The following ARHGAP44 variants were observed in gnomAD, a reference collection of about 807,000 sequenced individuals.
ARHGAP44 encodes Rho GTPase activating protein 44.
ARHGAP44 carries 43 observed loss-of-function variants against 106.8 expected under a neutral mutation model. The observed-to-expected ratio is 0.40, with a 90% CI of 0.32 to 0.52. The LOEUF (loss-of-function observed/expected upper bound fraction) is 0.52. ARHGAP44 is among the 20% of genes least tolerant of loss of function. The pLI, the probability that ARHGAP44 is intolerant of heterozygous loss-of-function variation, is 0.48. For synonymous variants in ARHGAP44, 439 were observed against 410.3 expected (o/e 1.07, Z -0.85); for missense variants, 866 against 1,050.5 (o/e 0.82, Z 2.43).
At chr17:12,833,304 C>T (rs954256651) in intron 1 of ARHGAP44, among the ~76,000 whole-genome samples, 6 of 152,122 alleles carry the variant, frequency 3.9e-5, no homozygotes, top group East Asian at 1.9e-4. Context: ...CTTTTTCGTA[C>T]GTGTCTGTCT....
intron 1 of ARHGAP44, among the ~76,000 whole-genome samples, chr17:12,802,944 TATATATATATATATATATATATATA>T (rs1567621139): frequency 2.6e-3 from 42 of 16,398 alleles, no homozygotes; most frequent in African/African-American, 0.011. Context: ...TATATATATA[TATATATATATATATATATATATATA>T]TTTTTTTTTT....
intron 20 of ARHGAP44, among the ~76,000 whole-genome samples, chr17:12,989,094 C>CCCA (rs144341481): frequency 0.015 from 1,227 of 79,882 alleles, 66 homozygotes; most frequent in South Asian, 0.026. Context: ...CGAAACTCCA[C>CCCA]CCCCCCCAAA....
chr17:12,981,098 T>C (rs2039818557), intron 19 of ARHGAP44: 1 of 152,186 alleles, frequency 6.6e-6, no homozygotes, highest in Non-Finnish European at 1.5e-5. Flanking sequence ...ACTCATTCCT[T>C]TTGCATTCTA....
intron 5 of ARHGAP44, among the ~76,000 whole-genome samples, chr17:12,918,498 T>C (rs2037981864): frequency 6.6e-6 from 1 of 152,160 alleles, no homozygotes; most frequent in South Asian, 2.1e-4. Flanking sequence ...AGTGAAGCCA[T>C]TTTTAGAATG....
At chr17:12,938,480 C>T (rs2150977440) in intron 7 of ARHGAP44, among the ~76,000 whole-genome samples, 1 of 150,658 alleles carries the variant, frequency 6.6e-6, no homozygotes, top group East Asian at 2.0e-4. Context: ...TGAAGAAAAT[C>T]CAAATACAAT....
chr17:12,790,107 C>T (rs1033675338), intron 1 of ARHGAP44: 3 of 505,072 alleles, frequency 5.9e-6, no homozygotes, highest in Non-Finnish European at 1.0e-5. Flanking sequence ...GCTCCGGGCT[C>T]CGGTTGCCAA....
chr17:12,800,513 A>G (rs2034057904), intron 1 of ARHGAP44, among the ~76,000 whole-genome samples: 1 of 152,182 alleles, frequency 6.6e-6, no homozygotes, highest in African/African-American at 2.4e-5. Context: ...TGGCAGAGGC[A>G]GTAAATGAGG....
intron 20 of ARHGAP44, 129 bp downstream of exon 20, chr17:12,985,037 G>T: frequency 8.1e-7 from 1 of 1,230,354 alleles, no homozygotes. Flanking sequence ...GCTGGCACCA[G>T]GGGTAGCTCA....
chr17:12,806,793 A>G (rs2034287568), intron 1 of ARHGAP44, among the ~76,000 whole-genome samples: 1 of 152,254 alleles, frequency 6.6e-6, no homozygotes, highest in South Asian at 2.1e-4. Context: ...AAACTTAGAC[A>G]CATTTACATT....
chr17:12,840,707 G>T (rs1174760604), intron 1 of ARHGAP44, among the ~76,000 whole-genome samples: 1 of 152,216 alleles, frequency 6.6e-6, no homozygotes, highest in African/African-American at 2.4e-5. Flanking sequence ...GGGCCTGCAG[G>T]TTTCACCTGC....
chr17:12,894,263 CG>C (rs2037136876), intron 1 of ARHGAP44, among the ~76,000 whole-genome samples: 1 of 146,882 alleles, frequency 6.8e-6, no homozygotes, highest in African/African-American at 2.6e-5. Context: ...TGTGTGTGCA[CG>C]TGCGTGCGTG....
chr17:12,937,763 T>G (rs1213980676), intron 7 of ARHGAP44, among the ~76,000 whole-genome samples: 4 of 152,166 alleles, frequency 2.6e-5, no homozygotes, highest in African/African-American at 9.7e-5. Flanking sequence ...AAGACCAGTA[T>G]TTATAAATAT....
At chr17:12,952,853 C>T (rs2039030725) in intron 13 of ARHGAP44, among the ~76,000 whole-genome samples, 1 of 151,288 alleles carries the variant, frequency 6.6e-6, no homozygotes, top group Admixed American at 6.6e-5. Context: ...CCTGCCTCAG[C>T]CTCCCGAGTA....
At position 12,881,692 on chromosome 17, in the gene ARHGAP44, G is replaced by A. The variant is rs139947965; in HGVS notation, c.54-13248G>A. Reference sequence around the variant, plus strand: ...ACAAATTTTATTTATTTATTTTGTTGTTGTTGTTGTTTGTTTATTTTGAGA... The same window carrying A: ...ACAAATTTTATTTATTTATTTTGTTATTGTTGTTGTTTGTTTATTTTGAGA... On this transcript the variant is annotated intron_variant, in intron 1 of 20. Coordinates refer to ENST00000379672, the MANE Select transcript of ARHGAP44 (RefSeq NM_014859.6). Among the ~76,000 whole-genome samples, 467 of 151,956 alleles carry A rather than the reference G, an allele frequency of 3.1e-3. 10 individuals are homozygous for A. Among genetic ancestry groups the A allele is most frequent in the Admixed American group, 0.029 (446 of 15,254 alleles).
chr17:12,823,764 A>G (rs943537577), intron 1 of ARHGAP44, among the ~76,000 whole-genome samples: 6 of 152,148 alleles, frequency 3.9e-5, no homozygotes, highest in African/African-American at 9.6e-5. Flanking sequence ...CCTCCCTTCT[A>G]TGTTGCCAGA....
intron 4 of ARHGAP44, among the ~76,000 whole-genome samples, chr17:12,910,890 TA>T (rs2037709867): frequency 1.3e-5 from 2 of 150,600 alleles, no homozygotes; most frequent in Admixed American, 6.6e-5. Flanking sequence ...ATCCAAAAAA[TA>T]AAAAAATAAA....
At chr17:12,829,037 T>G (rs1207980119) in intron 1 of ARHGAP44, among the ~76,000 whole-genome samples, 4 of 152,198 alleles carry the variant, frequency 2.6e-5, no homozygotes, top group Non-Finnish European at 4.4e-5. Context: ...GAATCAAGAT[T>G]GCAAAGTTTA....
chr17:12,944,678 A>G (rs901637991), intron 10 of ARHGAP44, among the ~76,000 whole-genome samples: 34 of 149,994 alleles, frequency 2.3e-4, no homozygotes, highest in Non-Finnish European at 4.9e-4. Flanking sequence ...TTTAGTAGCA[A>G]TGGGGTTTCA....
rs542745577 is a variant in ARHGAP44 at position 12,876,988 on chromosome 17, G to C, written c.54-17952G>C. On this transcript the variant is annotated intron_variant, in intron 1 of 20. Transcript: ENST00000379672. ...CTGATGGGGCCTAGCTCGGGACTAT[G>C]CAAGTAGAAAGGGACCAATAGTTGC... Among the ~76,000 whole-genome samples the C allele has an allele frequency of 3.5e-4, 53 of 152,024 alleles. 1 individual carries two copies. The highest frequency in any genetic ancestry group is 1.2e-3 in the African/African-American group (51 of 41,470).
Sources: allele counts gnomAD v4.1 joint callset (sites outside exome capture counted in the v4.1 genomes callset), GRCh38; gene constraint gnomAD v4.1.1; transcripts MANE v1.5; gene names NCBI Gene and HGNC (gene_info 2026-07-23, HGNC 2026-07-21).